Variants in KIF1B observed in about 807,000 individuals in gnomAD.
The protein encoded by KIF1B is kinesin-like protein KIF1B.
In KIF1B, 76 loss-of-function variants were observed where a neutral mutation model predicts 241.9. That is an observed-to-expected ratio of 0.31 (90% CI 0.26 to 0.38). KIF1B has a LOEUF of 0.38. Among genes scored for constraint, KIF1B ranks in the 10% least tolerant of loss-of-function variants. The probability of loss-of-function intolerance (pLI) is 1.00; values close to 1 mark genes in which losing one functional copy is unlikely to be tolerated. For missense variants in KIF1B, 1,622 were observed against 2,271.4 expected, an observed-to-expected ratio of 0.71 and a Z score of 5.81; for synonymous variants, 750 against 796.7, an observed-to-expected ratio of 0.94 and a Z score of 0.99.
chr1:10,310,254 T>C (rs4846212), intron 22 of KIF1B, among the ~76,000 whole-genome samples: 49,524 of 151,272 alleles, frequency 0.33, 8,723 homozygotes, highest in Middle Eastern at 0.38. Flanking sequence ...GGGCCCACCT[T>C]CAGAGTTTCT....
chr1:10,375,123 G>A, intron 47 of KIF1B, 77 bp downstream of exon 47: 1 of 1,539,258 alleles, frequency 6.5e-7, no homozygotes, highest in Non-Finnish European at 9.0e-7. Context: ...CTGTTACGTG[G>A]TGTGAAATTT....
chr1:10,375,345 T>C lies in KIF1B; in HGVS notation c.5380T>C (p.Phe1794Leu). Residue 1794 changes from phenylalanine to leucine, a missense_variant, in exon 48 of 49, where the codon TTC becomes CTC. Physicochemically the swap from Phe to Leu is conservative, Grantham distance 22 (BLOSUM62 0). Transcript: ENST00000676179. ...DKDMNDWLYA[F>L]NPLLAGTIRS... ...AGACATGAACGACTGGTTGTATGCC[T>C]TCAACCCACTTCTAGCTGGCACAAT... is the stretch of plus-strand genomic sequence containing the variant. 1.2e-6 allele frequency: 2 copies of C among 1,613,826 alleles called. No individual in the cohort carries two copies. Among genetic ancestry groups the C allele is most frequent in the South Asian group, 2.2e-5 (2 of 91,062 alleles).
rs374184323 is a variant in KIF1B at position 10,229,027 on chromosome 1, G to A, written c.-79-3223G>A. ...GGACATGAGGAGAGTTAAGATGATG[G>A]CTGTATTTCAGAGGGAACTCGGGGA... On this transcript the variant is annotated intron_variant, in intron 1 of 48. Transcript: ENST00000676179. Among the ~76,000 whole-genome samples the A allele has an allele frequency of 3.0e-4, 46 of 152,212 alleles. No individual in the cohort carries two copies. The East Asian group carries it at 7.1e-3, about 24-fold the overall frequency.
intron 22 of KIF1B, among the ~76,000 whole-genome samples, chr1:10,319,137 C>G (rs941945880): frequency 2.1e-5 from 3 of 146,098 alleles, no homozygotes; most frequent in African/African-American, 7.7e-5. Context: ...GAGTCTCGCT[C>G]TGTCTCCAGG....
chr1:10,274,946 G>A (rs565696425), intron 10 of KIF1B: 2 of 393,598 alleles, frequency 5.1e-6, no homozygotes, highest in African/African-American at 2.2e-5. Context: ...ATATGGACAG[G>A]ATATTAGGTA....
chr1:10,323,835 A>G (rs1458995093), intron 24 of KIF1B, 49 bp from the exon 25 acceptor site: 6 of 1,482,606 alleles, frequency 4.0e-6, no homozygotes, highest in East Asian at 2.3e-5. Flanking sequence ...TCATCTCTGA[A>G]GCTTGCTTGC....
intron 41 of KIF1B, among the ~76,000 whole-genome samples, chr1:10,363,766 C>T (rs1638489482): frequency 6.6e-6 from 1 of 152,220 alleles, no homozygotes; most frequent in Non-Finnish European, 1.5e-5. Context: ...TGTTTTTAAA[C>T]TGCTCTTGTT....
intron 4 of KIF1B, among the ~76,000 whole-genome samples, chr1:10,261,434 G>C (rs184940733): frequency 0.019 from 2,839 of 151,940 alleles, 41 homozygotes; most frequent in Non-Finnish European, 0.028. Context: ...AGTAGAGATG[G>C]GGTTTCACCA....
intron 22 of KIF1B, among the ~76,000 whole-genome samples, chr1:10,313,887 AATT>A (rs879403654): frequency 3.4e-5 from 5 of 147,990 alleles, no homozygotes; most frequent in South Asian, 2.1e-4. Context: ...CTACTGAAAA[AATT>A]ATTATTATTA....
At chr1:10,235,660 A>AG (rs1394796374) in intron 2 of KIF1B, among the ~76,000 whole-genome samples, 1 of 151,836 alleles carries the variant, frequency 6.6e-6, no homozygotes, top group Admixed American at 6.6e-5. Context: ...CAGGAGTTCA[A>AG]GACCAGCCTG....
rs1185107555 is a variant in KIF1B at position 10,297,021 on chromosome 1, C to T, written c.1986C>T (p.Ala662=). ...TPSEPVDWTF[A]QRELLEKQGI... is the part of the protein sequence containing the mutation. ...CTGAGCCTGTGGACTGGACATTTGCCCAGAGGGAGCTTCTGGAAAAACAAG... is the reference window on the plus strand; with the variant it reads ...CTGAGCCTGTGGACTGGACATTTGCTCAGAGGGAGCTTCTGGAAAAACAAG... Residue 662 remains alanine, a synonymous_variant, in exon 21 of 49, where the codon GCC becomes GCT. Coordinates refer to ENST00000676179, the MANE Select transcript of KIF1B (RefSeq NM_001365951.3). The T allele has an allele frequency of 6.2e-7, 1 of 1,613,836 alleles. No homozygotes were observed. The highest frequency in any genetic ancestry group is 1.3e-5 in the African/African-American group (1 of 74,866).
At chr1:10,375,459 A>C in intron 48 of KIF1B, 86 bp downstream of exon 48, 2 of 1,085,074 alleles carry the variant, frequency 1.8e-6, no homozygotes, top group Non-Finnish European at 2.8e-6. Context: ...GTCTTGGCTC[A>C]CTGCAACCTC....
At chr1:10,287,929 T>C (rs1483443763) in intron 15 of KIF1B, among the ~76,000 whole-genome samples, 9 of 152,226 alleles carry the variant, frequency 5.9e-5, no homozygotes, top group Admixed American at 6.5e-5. Flanking sequence ...GTTAGTACTA[T>C]AATAAGTACT....
At chr1:10,311,483 G>C (rs969933650) in intron 22 of KIF1B, among the ~76,000 whole-genome samples, 6 of 151,296 alleles carry the variant, frequency 4.0e-5, no homozygotes, top group Admixed American at 3.3e-4. Flanking sequence ...AAAGTGCTGG[G>C]ATTACGGGTG....
intron 37 of KIF1B, among the ~76,000 whole-genome samples, chr1:10,351,058 A>G (rs1041997036): frequency 6.9e-6 from 1 of 145,934 alleles, no homozygotes; most frequent in Admixed American, 6.9e-5. Flanking sequence ...ACTGCATGAC[A>G]GAACAAGACC....
At chr1:10,284,064 A>G (rs79611886) in intron 15 of KIF1B, among the ~76,000 whole-genome samples, 2 of 152,090 alleles carry the variant, frequency 1.3e-5, no homozygotes, top group African/African-American at 4.8e-5. Context: ...TTCCCTTGAC[A>G]TTTTACTTAC....
At chr1:10,258,107 C>T (rs990012811) in intron 3 of KIF1B, among the ~76,000 whole-genome samples, 1 of 152,148 alleles carries the variant, frequency 6.6e-6, no homozygotes, top group Non-Finnish European at 1.5e-5. Context: ...GGAGTGAGTT[C>T]AAAGAAGTAT....
chr1:10,296,018 A>G (rs890933457), intron 19 of KIF1B, among the ~76,000 whole-genome samples: 19 of 152,324 alleles, frequency 1.2e-4, no homozygotes, highest in African/African-American at 4.3e-4. Flanking sequence ...CTTGGTCTGG[A>G]ATGTTAATTA....
intron 44 of KIF1B, among the ~76,000 whole-genome samples, chr1:10,369,535 C>T (rs1638667916): frequency 6.6e-6 from 1 of 152,218 alleles, no homozygotes; most frequent in South Asian, 2.1e-4. Flanking sequence ...ACTCAGGAGG[C>T]CAAGGCAGGA....
Sources: allele counts gnomAD v4.1 joint callset (sites outside exome capture counted in the v4.1 genomes callset), GRCh38; gene constraint gnomAD v4.1.1; transcripts MANE v1.5; gene names NCBI Gene and HGNC (gene_info 2026-07-23, HGNC 2026-07-21).